Variants in NDUFAF2 observed in about 807,000 individuals in gnomAD.
The protein encoded by NDUFAF2 is NADH dehydrogenase [ubiquinone] 1 alpha subcomplex assembly factor 2.
NDUFAF2 carries 13 observed loss-of-function variants against 22.8 expected under a neutral mutation model. The ratio of observed to expected loss-of-function variants is 0.57; its 90% CI spans 0.37 to 0.91. The LOEUF (loss-of-function observed/expected upper bound fraction) is 0.91, where lower values mean the gene tolerates loss of function less well. Ranked by LOEUF, NDUFAF2 falls within the 40% of genes least tolerant of loss-of-function variation. The pLI is 0.01. For synonymous variants in NDUFAF2, 53 were observed against 64.2 expected, an observed-to-expected ratio of 0.83 and a Z score of 0.84; for missense variants, 162 against 195.2, an observed-to-expected ratio of 0.83 and a Z score of 1.01.
chr5:61,007,913 C>A (rs1350718429), intron 1 of NDUFAF2, among the ~76,000 whole-genome samples: 1 of 151,960 alleles, frequency 6.6e-6, no homozygotes, highest in Non-Finnish European at 1.5e-5. Flanking sequence ...AAAGGTCCAA[C>A]AATGATAGAC....
At chr5:60,975,681 G>T (rs1750893523) in intron 1 of NDUFAF2, among the ~76,000 whole-genome samples, 1 of 152,164 alleles carries the variant, frequency 6.6e-6, no homozygotes, top group Non-Finnish European at 1.5e-5. Flanking sequence ...GAATCAGCAA[G>T]GGGTGACTGA....
intron 1 of NDUFAF2, among the ~76,000 whole-genome samples, chr5:60,963,305 A>C (rs1447171554): frequency 6.6e-6 from 1 of 152,220 alleles, no homozygotes; most frequent in Non-Finnish European, 1.5e-5. Context: ...TCCTACACGT[A>C]CTAGGAACTT....
At chr5:61,138,370 T>G (rs1383255516) in intron 3 of NDUFAF2, among the ~76,000 whole-genome samples, 3 of 152,066 alleles carry the variant, frequency 2.0e-5, no homozygotes, top group African/African-American at 7.2e-5. Flanking sequence ...GCTAGGTAAA[T>G]GTAGGAGGTA....
chr5:61,152,040 G>T (rs927396559), intron 3 of NDUFAF2, among the ~76,000 whole-genome samples: 4 of 152,118 alleles, frequency 2.6e-5, no homozygotes, highest in African/African-American at 9.7e-5. Flanking sequence ...TTTGGGTATA[G>T]ATCCTCCTAG....
intron 2 of NDUFAF2, among the ~76,000 whole-genome samples, chr5:61,079,951 G>T (rs552821661): frequency 2.0e-5 from 3 of 152,140 alleles, no homozygotes; most frequent in Admixed American, 2.0e-4. Flanking sequence ...TTTATTTAAC[G>T]TTCTCTGAGA....
At chr5:60,982,159 G>T (rs1013153670) in intron 1 of NDUFAF2, among the ~76,000 whole-genome samples, 2 of 152,130 alleles carry the variant, frequency 1.3e-5, no homozygotes, top group African/African-American at 4.8e-5. Context: ...AGAAGTAAAT[G>T]AAAAGGTACT....
At chr5:61,132,753 C>T (rs961714263) in intron 3 of NDUFAF2, among the ~76,000 whole-genome samples, 1 of 152,032 alleles carries the variant, frequency 6.6e-6, no homozygotes, top group Non-Finnish European at 1.5e-5. Flanking sequence ...ATAGTTGTTT[C>T]GAGTAGTAAC....
chr5:61,040,291 C>T (rs1007201530), intron 1 of NDUFAF2, among the ~76,000 whole-genome samples: 2 of 83,854 alleles, frequency 2.4e-5, no homozygotes, highest in Non-Finnish European at 4.8e-5. Context: ...CACACACGCG[C>T]GCGCGCGCGC....
chr5:61,138,973 G>A (rs549153096), intron 3 of NDUFAF2, among the ~76,000 whole-genome samples: 1 of 152,252 alleles, frequency 6.6e-6, no homozygotes, highest in Admixed American at 6.5e-5. Context: ...GAGCAGTCAG[G>A]CTTGAAATGA....
intron 1 of NDUFAF2, among the ~76,000 whole-genome samples, chr5:60,949,521 C>T (rs1270993291): frequency 1.3e-5 from 2 of 152,120 alleles, no homozygotes; most frequent in Non-Finnish European, 2.9e-5. Context: ...ATATGGGTTT[C>T]GTGTGAACAT....
intron 3 of NDUFAF2, among the ~76,000 whole-genome samples, chr5:61,146,559 T>TGAGA: frequency 6.6e-6 from 1 of 152,218 alleles, no homozygotes; most frequent in East Asian, 1.9e-4. Context: ...TTGTTTCTGA[T>TGAGA]GAGAACTCAG....
chr5:61,132,126 A>G (rs953360629), intron 3 of NDUFAF2, among the ~76,000 whole-genome samples: 2 of 152,226 alleles, frequency 1.3e-5, no homozygotes, highest in Non-Finnish European at 2.9e-5. Context: ...CTATTTACTT[A>G]CATTCACTAG....
intron 1 of NDUFAF2, among the ~76,000 whole-genome samples, chr5:61,031,575 T>C (rs533708429): frequency 6.6e-6 from 1 of 152,216 alleles, no homozygotes; most frequent in South Asian, 2.1e-4. Context: ...TACTGCATAG[T>C]ATTCCATGAT....
At chr5:61,072,538 A>G (rs1460763902) in intron 1 of NDUFAF2, among the ~76,000 whole-genome samples, 1 of 152,162 alleles carries the variant, frequency 6.6e-6, no homozygotes, top group Non-Finnish European at 1.5e-5. Context: ...TTAGTGCTCT[A>G]TAGGATTAAT....
intron 1 of NDUFAF2, among the ~76,000 whole-genome samples, chr5:60,970,766 C>G (rs1161395238): frequency 6.6e-6 from 1 of 152,112 alleles, no homozygotes; most frequent in Non-Finnish European, 1.5e-5. Flanking sequence ...TTGTTGTATT[C>G]CAGATCTTAG....
intron 1 of NDUFAF2, among the ~76,000 whole-genome samples, chr5:61,035,244 T>C (rs1751783347): frequency 2.6e-5 from 4 of 151,752 alleles, no homozygotes; most frequent in African/African-American, 9.7e-5. Context: ...TTTTCGTATT[T>C]TTAGTAGAGA....
chr5:60,958,905 TAGTC>T (rs1322310331), intron 1 of NDUFAF2, among the ~76,000 whole-genome samples: 1 of 152,102 alleles, frequency 6.6e-6, no homozygotes, highest in Non-Finnish European at 1.5e-5. Flanking sequence ...GGATTTGGTT[TAGTC>T]AGTGTCCTAA....
At chr5:61,042,068 A>T (rs1751890430) in intron 1 of NDUFAF2, among the ~76,000 whole-genome samples, 1 of 152,146 alleles carries the variant, frequency 6.6e-6, no homozygotes, top group East Asian at 1.9e-4. Context: ...TCTTTTTTAG[A>T]CTATATTTGT....
chr5:60,953,467 T>C (rs1389649205), intron 1 of NDUFAF2, among the ~76,000 whole-genome samples: 1 of 152,152 alleles, frequency 6.6e-6, no homozygotes, highest in Non-Finnish European at 1.5e-5. Context: ...CCCTTTCCTC[T>C]TCCCTCTACT....
Sources: allele counts gnomAD v4.1 joint callset (sites outside exome capture counted in the v4.1 genomes callset), GRCh38; gene constraint gnomAD v4.1.1; transcripts MANE v1.5; gene names NCBI Gene and HGNC (gene_info 2026-07-23, HGNC 2026-07-21).